The following GPR107 variants were observed in gnomAD, a reference collection of about 807,000 sequenced individuals.
GPR107 encodes G protein-coupled receptor 107, also known as protein GPR107.
A neutral mutation model predicts 75.5 loss-of-function variants in GPR107; 31 were observed. That is an observed-to-expected ratio of 0.41 (90% confidence interval 0.31 to 0.55). The LOEUF (loss-of-function observed/expected upper bound fraction) is 0.55, where lower values mean the gene tolerates loss of function less well. GPR107 is among the 20% of genes least tolerant of loss of function. The probability of loss-of-function intolerance (pLI) is 0.26; values close to 1 mark genes in which losing one functional copy is unlikely to be tolerated. For synonymous variants in GPR107, 267 were observed against 251.3 expected (o/e 1.06, Z -0.59); for missense variants, 572 against 665.7 (o/e 0.86, Z 1.55).
At chr9:130,064,208 TG>T (rs1465147612) in intron 1 of GPR107, among the ~76,000 whole-genome samples, 1,670 of 31,428 alleles carry the variant, frequency 0.053, 38 homozygotes, top group African/African-American at 0.1. Context: ...TTTTTTTTTT[TG>T]AGACGGAGTC....
intron 9 of GPR107, among the ~76,000 whole-genome samples, chr9:130,093,887 C>G (rs948739317): frequency 6.6e-6 from 1 of 152,106 alleles, no homozygotes; most frequent in Non-Finnish European, 1.5e-5. Flanking sequence ...CTAATCTCTA[C>G]TCACTGCAAC....
chr9:130,127,998 T>C (rs557441393), intron 16 of GPR107, among the ~76,000 whole-genome samples: 1 of 152,358 alleles, frequency 6.6e-6, no homozygotes, highest in East Asian at 1.9e-4. Context: ...CCACCACACT[T>C]GGCCTCCTTC....
rs1831743607 is a variant in GPR107 at position 130,128,656 on chromosome 9, C to T, written c.1457C>T (p.Ala486Val). Residue 486 changes from alanine to valine, a missense_variant, in exon 17 of 18, where the codon GCC becomes GTC. Coordinates refer to ENST00000347136, the MANE Select transcript of GPR107 (RefSeq NM_020960.5). The stretch of plus-strand genomic sequence containing the variant: ...AACTTGCAGCTCCTGGATGAAACGG[C>T]CACACTGGTCTTCTTTGTTCTAACG... The part of the protein sequence containing the change: ...KWLYQLLDET[A>V]TLVFFVLTGY... 1.2e-6 allele frequency: 2 copies of T among 1,611,206 alleles called. No homozygotes were observed. The highest frequency in any genetic ancestry group is 1.7e-5 in the Admixed American group (1 of 60,012).
chr9:130,074,342 C>T (rs75651260), intron 1 of GPR107, among the ~76,000 whole-genome samples: 2,129 of 152,240 alleles, frequency 0.014, 26 homozygotes, highest in Non-Finnish European at 0.022. Context: ...TTAGACTACC[C>T]GGGATGTCCA....
At chr9:130,083,669 CAT>C (rs1830544371) in intron 6 of GPR107, 67 bp downstream of exon 6, 9 of 874,694 alleles carry the variant, frequency 1.0e-5, no homozygotes, top group Middle Eastern at 2.3e-4. Flanking sequence ...GTGTTATATG[CAT>C]GTGTGTGTGT....
chr9:130,090,159 AT>A (rs1442654149), intron 7 of GPR107, among the ~76,000 whole-genome samples: 1 of 152,156 alleles, frequency 6.6e-6, no homozygotes, highest in East Asian at 1.9e-4. Context: ...ATTTCTTTTT[AT>A]TGGTAGAACT....
At chr9:130,115,020 A>C (rs1831387795) in intron 14 of GPR107, among the ~76,000 whole-genome samples, 1 of 152,190 alleles carries the variant, frequency 6.6e-6, no homozygotes, top group African/African-American at 2.4e-5. Context: ...CTAACAAAAA[A>C]CCTACTAGGG....
At chr9:130,070,342 C>T (rs187697411) in intron 1 of GPR107, among the ~76,000 whole-genome samples, 11 of 152,204 alleles carry the variant, frequency 7.2e-5, no homozygotes, top group Non-Finnish European at 8.8e-5. Context: ...CTCGCTCTTT[C>T]GCCCAAGCTA....
intron 17 of GPR107, among the ~76,000 whole-genome samples, chr9:130,131,069 G>A (rs567578252): frequency 1.8e-4 from 28 of 152,238 alleles, no homozygotes; most frequent in East Asian, 1.2e-3. Context: ...TGCGGCGGTC[G>A]GATGTTGGCC....
In GPR107 at chr9:130,127,508, G is replaced by A; in HGVS notation, c.1382G>A (p.Arg461Lys). 1 of 1,597,144 alleles carries A rather than the reference G, an allele frequency of 6.3e-7. No homozygotes were observed. The highest frequency in any genetic ancestry group is 1.3e-5 in the African/African-American group (1 of 74,680). ...ATTGTGTGTTACATATACTTCACTA[G>A]GATCATTGCATTTCTCCTCAAACTC... Reference protein sequence around the residue: ...VLIVCYIYFTRIIAFLLKLAV... With the variant: ...VLIVCYIYFTKIIAFLLKLAV... Residue 461 changes from arginine to lysine, a missense_variant, in exon 16 of 18, where the codon AGG becomes AAG. By Grantham distance (26) the Arg-to-Lys change is conservative. Coordinates refer to ENST00000347136, the MANE Select transcript of GPR107 (RefSeq NM_020960.5).
intron 14 of GPR107, among the ~76,000 whole-genome samples, chr9:130,113,061 A>G (rs1273905626): frequency 7.2e-5 from 11 of 152,024 alleles, no homozygotes; most frequent in Non-Finnish European, 5.9e-5. Flanking sequence ...AGCTGCTTTT[A>G]TCTGGAAGAA....
intron 1 of GPR107, among the ~76,000 whole-genome samples, chr9:130,058,946 A>G (rs1267188844): frequency 2.0e-5 from 3 of 152,146 alleles, no homozygotes; most frequent in Admixed American, 6.5e-5. Context: ...CTGTTTGGCC[A>G]TTATGAATGA....
At chr9:130,121,617 C>T (rs756746919) in intron 14 of GPR107, among the ~76,000 whole-genome samples, 9 of 152,236 alleles carry the variant, frequency 5.9e-5, no homozygotes, top group Non-Finnish European at 1.2e-4. Flanking sequence ...TCTGAGCCTC[C>T]GCACCTGCTG....
At chr9:130,097,876 TTTTG>T (rs1440999760) in intron 9 of GPR107, among the ~76,000 whole-genome samples, 2 of 151,146 alleles carry the variant, frequency 1.3e-5, no homozygotes, top group African/African-American at 2.4e-5. Flanking sequence ...CTGGCTTAAT[TTTTG>T]TTTGTTTTGA....
chr9:130,086,629 C>T (rs769235227), intron 7 of GPR107, among the ~76,000 whole-genome samples, 153 bp downstream of exon 7: 19 of 152,026 alleles, frequency 1.2e-4, no homozygotes, highest in Non-Finnish European at 2.1e-4. Flanking sequence ...ATAACAAGCC[C>T]ACAAGGTGGA....
At chr9:130,132,969 C>T (rs1823937109) in intron 17 of GPR107, 1 of 152,120 alleles carries the variant, frequency 6.6e-6, no homozygotes, top group Non-Finnish European at 1.5e-5. Context: ...TGACCTCCCA[C>T]CCATCTTGTG....
intron 1 of GPR107, among the ~76,000 whole-genome samples, chr9:130,075,102 C>A (rs1830310574): frequency 6.6e-6 from 1 of 152,016 alleles, no homozygotes; most frequent in African/African-American, 2.4e-5. Flanking sequence ...CTGTTGATAT[C>A]TTTTGGATTT....
intron 14 of GPR107, among the ~76,000 whole-genome samples, chr9:130,114,051 A>ATTTTTTTTTTTTTTTT (rs35152076): frequency 1.2e-5 from 1 of 81,192 alleles, no homozygotes; most frequent in African/African-American, 5.4e-5. Flanking sequence ...TTTTTTTTTC[A>ATTTTTTTTTTTTTTTT]TTTTTTTTTT....
chr9:130,079,061 C>T (rs1048931112), intron 4 of GPR107, among the ~76,000 whole-genome samples: 3 of 152,142 alleles, frequency 2.0e-5, no homozygotes. Flanking sequence ...CAGGTTCAAG[C>T]GATTCTCCTG....
Sources: allele counts gnomAD v4.1 joint callset (sites outside exome capture counted in the v4.1 genomes callset), GRCh38; gene constraint gnomAD v4.1.1; transcripts MANE v1.5; gene names NCBI Gene and HGNC (gene_info 2026-07-23, HGNC 2026-07-21).